The following ARHGEF4 variants were observed in gnomAD, a reference collection of about 807,000 sequenced individuals.
The protein encoded by ARHGEF4 is APC-stimulated guanine nucleotide exchange factor 1.
A neutral mutation model predicts 162.0 loss-of-function variants in ARHGEF4; 119 were observed. The ratio of observed to expected loss-of-function variants is 0.73; its 90% CI spans 0.63 to 0.86. ARHGEF4 has a LOEUF of 0.86. Ranked by LOEUF, ARHGEF4 falls within the 40% of genes least tolerant of loss-of-function variation. The pLI, the probability that ARHGEF4 is intolerant of heterozygous loss-of-function variation, is 0.00. For missense variants in ARHGEF4, 2,488 were observed against 2,456.0 expected (o/e 1.01, Z -0.28); for synonymous variants, 1,014 against 979.9 (o/e 1.03, Z -0.65).
In ARHGEF4 at chr2:130,880,743, C is replaced by T. The variant is rs976985628; in HGVS notation, c.40-33243C>T. Among the ~76,000 whole-genome samples the T allele has an allele frequency of 2.0e-4, 30 of 152,138 alleles. 1 individual carries two copies. Among genetic ancestry groups the T allele is most frequent in the African/African-American group, 6.8e-4 (28 of 41,428 alleles). On this transcript the variant is annotated intron_variant, in intron 1 of 13. Transcript: ENST00000409359. ...GGAGACAAGGTTTCACTATGCTGCC[C>T]AGGCTGATCTTGAACTCCTGGGCTT...
intron 1 of ARHGEF4, among the ~76,000 whole-genome samples, chr2:130,878,284 AT>A (rs1199618319): frequency 1.3e-5 from 2 of 152,164 alleles, no homozygotes; most frequent in African/African-American, 4.8e-5. Context: ...TGGTCCACGA[AT>A]TGTAGTTTGC....
intron 4 of ARHGEF4, among the ~76,000 whole-genome samples, chr2:131,016,660 C>T (rs1304777558): frequency 6.6e-6 from 1 of 152,242 alleles, no homozygotes; most frequent in South Asian, 2.1e-4. Flanking sequence ...TTTGAGCATG[C>T]ACCAGAGTCA....
At position 131,044,318 on chromosome 2, in the gene ARHGEF4, T is replaced by C. The variant is rs1190796034; in HGVS notation, c.5177T>C (p.Val1726Ala). The C allele has an allele frequency of 1.2e-6, 2 of 1,610,634 alleles. No individual in the cohort carries two copies. The highest frequency in any genetic ancestry group is 2.7e-5 in the African/African-American group (2 of 74,882). ...TGGCAGGACCTGCTCCGCCGCGACGTGTTGTACTACAAGGGCCGGCTGGAC... is the reference window on the plus strand; with the variant it reads ...TGGCAGGACCTGCTCCGCCGCGACGCGTTGTACTACAAGGGCCGGCTGGAC... ...YCKKDLLRRD[V>A]LYYKGRLDMD... Residue 1726 changes from valine (V) to alanine (A), a missense_variant, in exon 12 of 14, where the codon GTG (valine) becomes GCG (alanine). Physicochemically the swap from Val to Ala is moderately conservative, Grantham distance 64 (BLOSUM62 0). This residue lies in a region of ARHGEF4 where 415 missense variants were observed against 512.4 expected (regional missense o/e 0.81). Transcript: ENST00000409359.
intron 1 of ARHGEF4, among the ~76,000 whole-genome samples, chr2:130,896,874 G>T (rs1457870689): frequency 6.6e-6 from 1 of 152,136 alleles, no homozygotes; most frequent in Non-Finnish European, 1.5e-5. Flanking sequence ...ATGGTTTTAT[G>T]GCAGCTGAGT....
At chr2:130,990,386 T>G (rs1000656366) in intron 4 of ARHGEF4, among the ~76,000 whole-genome samples, 11 of 152,130 alleles carry the variant, frequency 7.2e-5, no homozygotes, top group Non-Finnish European at 1.3e-4. Flanking sequence ...CCATTATTTG[T>G]CTGTTAAAAT....
At chr2:130,874,290 A>G (rs62162124) in intron 1 of ARHGEF4, among the ~76,000 whole-genome samples, 5,264 of 152,192 alleles carry the variant, frequency 0.035, 106 homozygotes, top group Middle Eastern at 0.082. Flanking sequence ...TTTCTTCCTC[A>G]TGTGTTGGGA....
chr2:130,978,662 A>G (rs1685912214), intron 4 of ARHGEF4, among the ~76,000 whole-genome samples: 1 of 152,204 alleles, frequency 6.6e-6, no homozygotes, highest in Non-Finnish European at 1.5e-5. Context: ...CAAATTCTGG[A>G]GAAATTAGGC....
intron 1 of ARHGEF4, among the ~76,000 whole-genome samples, chr2:130,896,179 T>G (rs1680148216): frequency 6.6e-6 from 1 of 152,250 alleles, no homozygotes; most frequent in African/African-American, 2.4e-5. Context: ...GATTTTTTAA[T>G]CTAAGGCACT....
intron 8 of ARHGEF4, 38 bp downstream of exon 8, chr2:131,040,478 G>T: frequency 6.7e-7 from 1 of 1,498,288 alleles, no homozygotes; most frequent in Non-Finnish European, 8.9e-7. Flanking sequence ...TGGGCGCTGC[G>T]TTCACAGAGG....
chr2:131,014,654 T>C (rs1688663652), intron 4 of ARHGEF4, among the ~76,000 whole-genome samples: 1 of 152,248 alleles, frequency 6.6e-6, no homozygotes, highest in African/African-American at 2.4e-5. Flanking sequence ...TAGCATAGTA[T>C]ATGTCTTAAA....
chr2:131,043,590 G>C lies in ARHGEF4; in HGVS notation c.5157+7G>C. 2 of 1,613,862 alleles carry C rather than the reference G, an allele frequency of 1.2e-6. No homozygotes were observed. Among genetic ancestry groups the C allele is most frequent in the South Asian group, 1.1e-5 (1 of 91,078 alleles). ...GCTCATCTACTGTAAGAAGGTACCAGAGCTGCTCTGCCCTGCTGCCCCAAG... is the reference window on the plus strand; with the variant it reads ...GCTCATCTACTGTAAGAAGGTACCACAGCTGCTCTGCCCTGCTGCCCCAAG... On this transcript the variant is annotated splice_region_variant and intron_variant, in intron 11 of 13. Coordinates refer to ENST00000409359, the MANE Select transcript of ARHGEF4 (RefSeq NM_001367493.1).
At chr2:130,893,806 A>C (rs1037637489) in intron 1 of ARHGEF4, among the ~76,000 whole-genome samples, 1 of 152,194 alleles carries the variant, frequency 6.6e-6, no homozygotes, top group African/African-American at 2.4e-5. Context: ...GGCTCTTGTC[A>C]CTGCATATGC....
intron 1 of ARHGEF4, among the ~76,000 whole-genome samples, chr2:130,864,152 C>T (rs1682088598): frequency 6.6e-6 from 1 of 151,084 alleles, no homozygotes; most frequent in African/African-American, 2.4e-5. Flanking sequence ...CACCACTGCT[C>T]TCCAGCCTGG....
At chr2:130,889,671 G>A (rs1679737366) in intron 1 of ARHGEF4, among the ~76,000 whole-genome samples, 1 of 150,864 alleles carries the variant, frequency 6.6e-6, no homozygotes, top group African/African-American at 2.5e-5. Flanking sequence ...AATTAGCTGG[G>A]TGTAGTGGCG....
intron 1 of ARHGEF4, among the ~76,000 whole-genome samples, chr2:130,870,686 T>TG (rs1678415840): frequency 6.7e-6 from 1 of 150,290 alleles, no homozygotes. Flanking sequence ...GAACTCACTT[T>TG]GGGGGTGCTC....
intron 13 of ARHGEF4, chr2:131,045,765 TAC>T (rs1277496336): frequency 7.0e-7 from 1 of 1,427,870 alleles, no homozygotes; most frequent in Non-Finnish European, 9.1e-7. Context: ...TCCCCATTTC[TAC>T]AGAGAGCCAT....
chr2:130,840,522 G>A (rs1334834827), intron 1 of ARHGEF4, among the ~76,000 whole-genome samples: 1 of 152,182 alleles, frequency 6.6e-6, no homozygotes, highest in Non-Finnish European at 1.5e-5. Context: ...GGGAGTTGTA[G>A]ATCCATCCAG....
intron 5 of ARHGEF4, chr2:131,035,076 C>G (rs1206085552): frequency 5.9e-6 from 6 of 1,021,902 alleles, no homozygotes; most frequent in Non-Finnish European, 7.0e-6. Flanking sequence ...CCGCACGGAG[C>G]GGGAGGCCGG....
At chr2:131,000,264 C>T (rs1687679997) in intron 4 of ARHGEF4, among the ~76,000 whole-genome samples, 2 of 152,114 alleles carry the variant, frequency 1.3e-5, no homozygotes, top group Admixed American at 1.3e-4. Context: ...TCATGGGGAC[C>T]AACCTTGTAT....
Sources: gnomAD v4.1 joint callset for allele counts (sites outside exome capture counted in the v4.1 genomes callset) on GRCh38, gnomAD v4.1.1 for gene constraint, gnomAD v4.1.1 regional missense constraint, MANE v1.5 for transcripts, NCBI Gene and HGNC (gene_info 2026-07-23, HGNC 2026-07-21) for gene names.